Variants in SYNPR observed in about 807,000 individuals in gnomAD.
SYNPR encodes the protein synaptoporin.
SYNPR carries 23 observed loss-of-function variants against 32.9 expected under a neutral mutation model. The observed-to-expected ratio is 0.70, with a 90% CI of 0.50 to 0.99. The LOEUF is 0.99. Among genes scored for constraint, SYNPR ranks in the 50% least tolerant of loss-of-function variants. The pLI is 0.00. For synonymous variants in SYNPR, 146 were observed against 135.9 expected (o/e 1.07, Z -0.52); for missense variants, 318 against 349.3 (o/e 0.91, Z 0.71).
chr3:63,399,959 C>G (rs1037379332), intron 2 of SYNPR, among the ~76,000 whole-genome samples: 1 of 152,090 alleles, frequency 6.6e-6, no homozygotes, highest in Non-Finnish European at 1.5e-5. Context: ...AAAAGAAAAG[C>G]GCCTACAACA....
chr3:63,384,011 G>A (rs2088009314), intron 2 of SYNPR, among the ~76,000 whole-genome samples: 1 of 152,214 alleles, frequency 6.6e-6, no homozygotes, highest in Non-Finnish European at 1.5e-5. Context: ...CAGAAACCTT[G>A]ATCAAACATC....
intron 1 of SYNPR, among the ~76,000 whole-genome samples, chr3:63,236,769 T>C (rs2086203727): frequency 6.6e-6 from 1 of 152,172 alleles, no homozygotes; most frequent in Admixed American, 6.6e-5. Flanking sequence ...TTGTAGGTTA[T>C]TTGGGAGTTT....
intron 2 of SYNPR, among the ~76,000 whole-genome samples, chr3:63,264,577 T>G (rs2086465109): frequency 6.6e-6 from 1 of 152,160 alleles, no homozygotes; most frequent in African/African-American, 2.4e-5. Context: ...GAACTAAATG[T>G]TCAATAGGGC....
chr3:63,221,732 A>C, the SYNPR span, among the ~76,000 whole-genome samples: 1 of 152,178 alleles, frequency 6.6e-6, no homozygotes, highest in African/African-American at 2.4e-5. Flanking sequence ...TTAGTCAGCA[A>C]CACCAGGTTT....
chr3:63,318,060 T>A lies in SYNPR; in HGVS notation c.84+39318T>A, dbSNP rs572318654. Among the ~76,000 whole-genome samples, 5 of 152,186 alleles carry A rather than the reference T, an allele frequency of 3.3e-5. No individual in the cohort carries two copies. The South Asian group carries it at 8.3e-4, about 25-fold the overall frequency. The stretch of plus-strand genomic sequence containing the variant: ...AATTATTGACTGAAAATTGTTTTGT[T>A]TGAGGAAGCTGAAGATAGGGCCCCA... On this transcript the variant is annotated intron_variant, in intron 2 of 5. Transcript: ENST00000478300.
chr3:63,485,331 C>T (rs1452029659), intron 3 of SYNPR, among the ~76,000 whole-genome samples: 1 of 151,948 alleles, frequency 6.6e-6, no homozygotes, highest in Non-Finnish European at 1.5e-5. Context: ...ACTTTCTGCA[C>T]ATGTATCCCA....
At chr3:63,383,446 G>A (rs1200627404) in intron 2 of SYNPR, among the ~76,000 whole-genome samples, 2 of 152,070 alleles carry the variant, frequency 1.3e-5, no homozygotes, top group Non-Finnish European at 2.9e-5. Flanking sequence ...ACCAGGCGCA[G>A]TGGCTCATGC....
chr3:63,545,075 G>A (rs984906080), intron 3 of SYNPR, among the ~76,000 whole-genome samples: 7 of 151,488 alleles, frequency 4.6e-5, no homozygotes, highest in Admixed American at 1.3e-4. Flanking sequence ...GACACAAAAT[G>A]GAGACAAATA....
chr3:63,571,215 T>C (rs1702879806), intron 4 of SYNPR, among the ~76,000 whole-genome samples: 1 of 152,176 alleles, frequency 6.6e-6, no homozygotes, highest in Non-Finnish European at 1.5e-5. Context: ...TACCTAACCA[T>C]GGGATCTTAA....
intron 4 of SYNPR, among the ~76,000 whole-genome samples, chr3:63,579,187 C>T (rs780931085): frequency 4.1e-4 from 62 of 152,118 alleles, no homozygotes; most frequent in Non-Finnish European, 7.9e-4. Flanking sequence ...GGTGAAGAAC[C>T]GCTGTTCAAA....
intron 2 of SYNPR, among the ~76,000 whole-genome samples, chr3:63,344,209 AAAGAAGACCC>A: frequency 6.6e-6 from 1 of 152,348 alleles, no homozygotes; most frequent in Admixed American, 6.5e-5. Context: ...GGCATTAAAA[AAAGAAGACCC>A]AAAGTATCAA....
intron 2 of SYNPR, among the ~76,000 whole-genome samples, chr3:63,265,127 T>C (rs1024794963): frequency 4.6e-5 from 7 of 152,140 alleles, no homozygotes; most frequent in African/African-American, 1.7e-4. Context: ...TGGCTTTTGA[T>C]TGAACACATT....
intron 2 of SYNPR, among the ~76,000 whole-genome samples, chr3:63,434,994 C>T (rs1475237315): frequency 6.6e-6 from 1 of 152,180 alleles, no homozygotes; most frequent in Non-Finnish European, 1.5e-5. Context: ...CACTTTTAAT[C>T]CCCTGTACCA....
At chr3:63,378,400 T>C (rs1295001062) in intron 2 of SYNPR, among the ~76,000 whole-genome samples, 3 of 152,072 alleles carry the variant, frequency 2.0e-5, no homozygotes, top group Non-Finnish European at 1.5e-5. Context: ...CCACCATTCA[T>C]TGAAAAGGCT....
At chr3:63,306,010 A>G (rs980685946) in intron 2 of SYNPR, among the ~76,000 whole-genome samples, 7 of 151,934 alleles carry the variant, frequency 4.6e-5, no homozygotes, top group African/African-American at 1.4e-4. Flanking sequence ...TGTCTAACCC[A>G]TCCTTCAAGG....
chr3:63,357,519 T>A (rs2087599863), intron 2 of SYNPR, among the ~76,000 whole-genome samples: 2 of 152,116 alleles, frequency 1.3e-5, no homozygotes, highest in African/African-American at 4.8e-5. Flanking sequence ...ATAAAGCATT[T>A]CCCCACTGAG....
chr3:63,337,096 G>A (rs185429336), intron 2 of SYNPR, among the ~76,000 whole-genome samples: 107 of 151,970 alleles, frequency 7.0e-4, no homozygotes, highest in African/African-American at 2.6e-3. Context: ...TCTGGGTGTG[G>A]TGGCACATAC....
chr3:63,546,681 G>C (rs1170619669), intron 3 of SYNPR, among the ~76,000 whole-genome samples: 1 of 151,244 alleles, frequency 6.6e-6, no homozygotes, highest in Non-Finnish European at 1.5e-5. Flanking sequence ...GTAAAGTGGA[G>C]AGGACAAAAA....
At chr3:63,328,144 G>A (rs1218730927) in intron 2 of SYNPR, among the ~76,000 whole-genome samples, 3 of 151,990 alleles carry the variant, frequency 2.0e-5, no homozygotes, top group Non-Finnish European at 4.4e-5. Flanking sequence ...TCTACCACAA[G>A]ACCAGTTATA....
Sources: gnomAD v4.1 joint callset for allele counts (sites outside exome capture counted in the v4.1 genomes callset) on GRCh38, gnomAD v4.1.1 for gene constraint, MANE v1.5 for transcripts, NCBI Gene and HGNC (gene_info 2026-07-23, HGNC 2026-07-21) for gene names.